NIPAL4: variants seen among roughly 807,000 people sequenced by gnomAD.
NIPAL4 encodes the protein NIPA like domain containing 4, also known as magnesium transporter NIPA4.
Under a neutral mutation model 31.6 loss-of-function variants are expected in NIPAL4, and 21 were observed. That is an observed-to-expected ratio of 0.67 (90% CI 0.47 to 0.96). NIPAL4 has a LOEUF of 0.96. Ranked by LOEUF, NIPAL4 falls within the 40% of genes least tolerant of loss-of-function variation. NIPAL4 has a pLI of 0.00. For synonymous variants in NIPAL4, 175 were observed against 211.1 expected, an observed-to-expected ratio of 0.83 and a Z score of 1.48; for missense variants, 438 against 508.0, an observed-to-expected ratio of 0.86 and a Z score of 1.32.
rs774348731 is a variant in NIPAL4 at position 157,460,249 on chromosome 5, C to T, written c.-72C>T. ...CGCGAGCCACGCGGGGGACAAGTCG[C>T]GGCCACCTGCTCCGGAGCTGGGGAG... On this transcript the variant is annotated 5_prime_UTR_variant, in exon 1 of 6. Coordinates refer to ENST00000311946, the MANE Select transcript of NIPAL4 (RefSeq NM_001099287.2). The T allele has an allele frequency of 2.6e-6, 4 of 1,532,668 alleles. No homozygotes were observed. Among genetic ancestry groups the T allele is most frequent in the Non-Finnish European group, 2.6e-6 (3 of 1,140,138 alleles). The allele number at this position is 1,532,668 out of a possible 1,614,324, so 94.9% of individuals were successfully genotyped here.
Position 157,467,061 on chromosome 5 carries a change from T to G in NIPAL4, c.290T>G (p.Phe97Cys). 6.2e-7 allele frequency: 1 copy of G among 1,612,784 alleles called. No homozygotes were observed. The change falls in exon 3 of 6, where the codon TTC becomes TGC. Residue 97 changes from phenylalanine (F) to cysteine (C), a missense_variant. Coordinates refer to ENST00000311946, the MANE Select transcript of NIPAL4 (RefSeq NM_001099287.2). ...ATTCCCTCCACAGTGGATGGAGGCT[T>G]CGGCTACCTGAAAGATGCAATGTGG... Reference protein sequence around the residue: ...TGATRAVDGGFGYLKDAMWWA... With the variant: ...TGATRAVDGGCGYLKDAMWWA...
chr5:157,468,294 G>C (rs115848220), intron 3 of NIPAL4, among the ~76,000 whole-genome samples: 3,206 of 152,056 alleles, frequency 0.021, 124 homozygotes, highest in African/African-American at 0.073. Flanking sequence ...GGAAAAGTGG[G>C]GTCCATGGAC....
At chr5:157,471,930 G>A in intron 5 of NIPAL4, 113 bp downstream of exon 5, 1 of 773,032 alleles carries the variant, frequency 1.3e-6, no homozygotes, top group South Asian at 1.6e-5. Context: ...ACCTAGAGGA[G>A]AAGGCAAGCT....
At chr5:157,463,763 T>C (rs114448112) in intron 2 of NIPAL4, among the ~76,000 whole-genome samples, 172 of 152,272 alleles carry the variant, frequency 1.1e-3, no homozygotes, top group African/African-American at 3.9e-3. Context: ...TAGCATCCAA[T>C]TGAGCTCCCT....
At chr5:157,471,592 A>G (rs963151418) in intron 4 of NIPAL4, 65 bp from the exon 5 acceptor site, 2 of 1,352,194 alleles carry the variant, frequency 1.5e-6, no homozygotes, top group Non-Finnish European at 2.0e-6. Flanking sequence ...CTCAGGCCCC[A>G]TTTTCTTTGG....
intron 4 of NIPAL4, among the ~76,000 whole-genome samples, chr5:157,470,716 C>CA (rs1754407607): frequency 6.6e-6 from 1 of 152,054 alleles, no homozygotes; most frequent in Admixed American, 6.5e-5. Context: ...AGAGATAGAG[C>CA]AAAAAATAGA....
In NIPAL4 at chr5:157,473,186, A is replaced by G. The variant is rs1280322004; in HGVS notation, c.*226A>G. The G allele has an allele frequency of 8.7e-6, 4 of 459,046 alleles. No individual in the cohort carries two copies. Among genetic ancestry groups the G allele is most frequent in the East Asian group, 6.5e-5 (2 of 30,958 alleles). The allele number at this position is 459,046 out of a possible 1,614,324, so 28.4% of individuals were successfully genotyped here. ...TCAGTGACCAAATACCCAAGTTTAC[A>G]TCAGTGCCTGCAGGTTCCCTGGACC... On this transcript the variant is annotated 3_prime_UTR_variant, in exon 6 of 6. Coordinates refer to ENST00000311946, the MANE Select transcript of NIPAL4 (RefSeq NM_001099287.2).
At chr5:157,464,767 T>C (rs1289532079) in intron 2 of NIPAL4, among the ~76,000 whole-genome samples, 1 of 152,186 alleles carries the variant, frequency 6.6e-6, no homozygotes, top group Non-Finnish European at 1.5e-5. Flanking sequence ...TTCAATTTAA[T>C]GTTTTTGTGG....
At position 157,474,709 on chromosome 5, in the gene NIPAL4, T is replaced by C. The variant is rs1754539658; in HGVS notation, c.*1749T>C. ...CAGGGTCAAGAATAAAGATTACAGA[T>C]TATATTTACTTGATACTTGTGTCTT... On this transcript the variant is annotated 3_prime_UTR_variant, in exon 6 of 6. Coordinates refer to ENST00000311946, the MANE Select transcript of NIPAL4 (RefSeq NM_001099287.2). The C allele has an allele frequency of 6.6e-6, 1 of 152,178 alleles. No homozygotes were observed. The highest frequency in any genetic ancestry group is 1.5e-5 in the Non-Finnish European group (1 of 68,026). 9.4% of individuals were successfully genotyped at this position (152,178 alleles called of 1,614,324 possible). A position where few individuals can be genotyped will look rare whatever the true frequency, so the allele number is the denominator to read the frequency against.
chr5:157,472,831 ACCC>A lies in NIPAL4; in HGVS notation c.1089_1091del (p.Pro364del). 1 of 1,590,196 alleles carries A rather than the reference ACCC, an allele frequency of 6.3e-7. No homozygotes were observed. The highest frequency in any genetic ancestry group is 8.6e-7 in the Non-Finnish European group (1 of 1,165,276). On this transcript the variant is annotated inframe_deletion, in exon 6 of 6. Coordinates refer to ENST00000311946, the MANE Select transcript of NIPAL4 (RefSeq NM_001099287.2). ...GCTTGCCCCACATGCACAAAAACCCACCCCCTTCTCCCGCCCCGGAACCCACTG... is the reference window on the plus strand; with the variant it reads ...GCTTGCCCCACATGCACAAAAACCCACCTTCTCCCGCCCCGGAACCCACTG...
chr5:157,460,612 G>GT, intron 1 of NIPAL4: 2 of 665,352 alleles, frequency 3.0e-6, no homozygotes, highest in South Asian at 3.0e-5. Context: ...GGGGGTTAGT[G>GT]GGGGGCAGGC....
chr5:157,468,783 G>A lies in NIPAL4; in HGVS notation c.396G>A (p.Thr132=), dbSNP rs58332403. The change falls in exon 4 of 6, where the codon ACG becomes ACA. Residue 132 remains threonine, a synonymous_variant. Coordinates refer to ENST00000311946, the MANE Select transcript of NIPAL4 (RefSeq NM_001099287.2). ...CATTTGCACCTGCAACAGTCGTCAC[G>A]CCTCTGGGAGCGCTGAGTGTCCTCA... ...AYAFAPATVV[T]PLGALSVLIS... 1,992 of 1,609,468 alleles carry A rather than the reference G, an allele frequency of 1.2e-3. 30 individuals are homozygous for A. The African/African-American group carries it at 0.022, about 18-fold the overall frequency.
At chr5:157,472,244 A>G in intron 5 of NIPAL4, 88 bp from the exon 6 acceptor site, 1 of 1,284,068 alleles carries the variant, frequency 7.8e-7, no homozygotes, top group Non-Finnish European at 1.1e-6. Context: ...CACGATCTTA[A>G]TGCTACCTCC....
Position 157,472,789 on chromosome 5 carries a change from G to A in NIPAL4, c.1044G>A (p.Leu348=). 3.7e-6 allele frequency: 6 copies of A among 1,608,244 alleles called. No homozygotes were observed. The highest frequency in any genetic ancestry group is 5.1e-6 in the Non-Finnish European group (6 of 1,174,966). Residue 348 remains leucine, a synonymous_variant, in exon 6 of 6, where the codon CTG becomes CTA. Coordinates refer to ENST00000311946, the MANE Select transcript of NIPAL4 (RefSeq NM_001099287.2). ...GVFMLHAFKD[L]DISCASLPHM... ...TCATGCTGCATGCTTTCAAAGACCT[G>A]GACATCAGCTGCGCCAGCTTGCCCC...
At chr5:157,465,464 C>T (rs1754245162) in intron 2 of NIPAL4, among the ~76,000 whole-genome samples, 1 of 152,104 alleles carries the variant, frequency 6.6e-6, no homozygotes, top group Non-Finnish European at 1.5e-5. Flanking sequence ...CCAAAAGCAA[C>T]ATAAATTTTT....
chr5:157,460,867 T>C (rs1319975152), intron 1 of NIPAL4, among the ~76,000 whole-genome samples: 1 of 152,188 alleles, frequency 6.6e-6, no homozygotes, highest in East Asian at 1.9e-4. Flanking sequence ...CTAGGCCCTT[T>C]ACCCGCATTA....
chr5:157,465,316 T>A (rs1464414275), intron 2 of NIPAL4, among the ~76,000 whole-genome samples: 1 of 152,202 alleles, frequency 6.6e-6, no homozygotes, highest in Non-Finnish European at 1.5e-5. Context: ...TTTTCTCCAA[T>A]CTACTATTTC....
chr5:157,465,957 C>A (rs1754261131), intron 2 of NIPAL4, among the ~76,000 whole-genome samples: 1 of 151,830 alleles, frequency 6.6e-6, no homozygotes. Flanking sequence ...CATGCCACTG[C>A]ACATTCCAGC....
chr5:157,472,667 A>G lies in NIPAL4; in HGVS notation c.922A>G (p.Thr308Ala), dbSNP rs1437771531. Reference sequence around the variant, plus strand: ...CGTGTTCTTCACCACGGTGGTCGTTACCTCGTCCATCATCCTCTTCAAGGA... The same window carrying G: ...CGTGTTCTTCACCACGGTGGTCGTTGCCTCGTCCATCATCCTCTTCAAGGA... ...YYVFFTTVVVTSSIILFKEWY... is the reference protein window; with the variant it reads ...YYVFFTTVVVASSIILFKEWY... Residue 308 changes from threonine to alanine, a missense_variant, in exon 6 of 6, where the codon ACC becomes GCC. Coordinates refer to ENST00000311946, the MANE Select transcript of NIPAL4 (RefSeq NM_001099287.2). 2.5e-6 allele frequency: 4 copies of G among 1,613,384 alleles called. No individual in the cohort carries two copies. The highest frequency in any genetic ancestry group is 3.4e-6 in the Non-Finnish European group (4 of 1,179,782).
Sources: gnomAD v4.1 joint callset for allele counts (sites outside exome capture counted in the v4.1 genomes callset) on GRCh38, gnomAD v4.1.1 for gene constraint, MANE v1.5 for transcripts, NCBI Gene and HGNC (gene_info 2026-07-23, HGNC 2026-07-21) for gene names.